The following LRP1B variants were observed in gnomAD, a reference collection of about 807,000 sequenced individuals.
LRP1B encodes LDL receptor related protein 1B, also known as low-density lipoprotein receptor-related protein 1B.
In LRP1B, 217 loss-of-function variants were observed where a neutral mutation model predicts 556.6. The ratio of observed to expected loss-of-function variants is 0.39; its 90% CI spans 0.35 to 0.44. LRP1B has a LOEUF of 0.44. Ranked by LOEUF, LRP1B falls within the 20% of genes least tolerant of loss-of-function variation. The pLI is 1.00. For synonymous variants in LRP1B, 2,047 were observed against 1,865.8 expected (o/e 1.10, Z -2.50); for missense variants, 5,053 against 5,620.8 (o/e 0.90, Z 3.23).
At chr2:141,763,660 T>C (rs908422119) in intron 2 of LRP1B, among the ~76,000 whole-genome samples, 1 of 152,116 alleles carries the variant, frequency 6.6e-6, no homozygotes, top group Non-Finnish European at 1.5e-5. Context: ...GTAAGAAAAA[T>C]AGTGTTTTTA....
At chr2:141,159,795 A>T (rs1299741889) in intron 7 of LRP1B, among the ~76,000 whole-genome samples, 1 of 152,192 alleles carries the variant, frequency 6.6e-6, no homozygotes, top group Non-Finnish European at 1.5e-5. Context: ...AAATTTAGTT[A>T]AAAATATATG....
At chr2:140,572,837 T>TAAAATAAAATAAAATAAAAC (rs1470673814) in intron 43 of LRP1B, among the ~76,000 whole-genome samples, 14 of 151,250 alleles carry the variant, frequency 9.3e-5, no homozygotes, top group African/African-American at 3.2e-4. Flanking sequence ...TAAAATAAAA[T>TAAAATAAAATAAAATAAAAC]AAAACACTAT....
intron 1 of LRP1B, among the ~76,000 whole-genome samples, chr2:141,907,409 G>A (rs1699786718): frequency 6.6e-6 from 1 of 151,774 alleles, no homozygotes; most frequent in Non-Finnish European, 1.5e-5. Context: ...AGTCAGTACA[G>A]TCATCAGATT....
At chr2:141,600,482 T>C (rs1431242093) in intron 2 of LRP1B, among the ~76,000 whole-genome samples, 1 of 151,878 alleles carries the variant, frequency 6.6e-6, no homozygotes, top group Non-Finnish European at 1.5e-5. Flanking sequence ...GGATGGTGAG[T>C]TGTGAGTGAT....
intron 3 of LRP1B, among the ~76,000 whole-genome samples, chr2:141,348,666 T>C (rs1573840376): frequency 6.6e-6 from 1 of 152,078 alleles, no homozygotes; most frequent in South Asian, 2.1e-4. Context: ...GTATTACTCA[T>C]AGAGCACAAT....
chr2:141,954,730 C>T (rs1350727445), intron 1 of LRP1B, among the ~76,000 whole-genome samples: 5 of 152,012 alleles, frequency 3.3e-5, no homozygotes, highest in African/African-American at 1.2e-4. Flanking sequence ...CATCATTGCT[C>T]TTCCTAGAAT....
Position 140,288,749 on chromosome 2 carries a change from AT to A in LRP1B, c.12967+9058del, listed in dbSNP as rs375619364. Among the ~76,000 whole-genome samples the A allele has an allele frequency of 4.0e-4, 60 of 151,778 alleles. No homozygotes were observed. The South Asian group carries it at 5.6e-3, about 14-fold the overall frequency. Reference sequence around the variant, plus strand: ...TGCATTGTTTTTTTTTCAGGGACAGATTTCCCAACAGATATTTAAATACAAA... The same window carrying A: ...TGCATTGTTTTTTTTTCAGGGACAGATTCCCAACAGATATTTAAATACAAA... On this transcript the variant is annotated intron_variant, in intron 84 of 90. Coordinates refer to ENST00000389484, the MANE Select transcript of LRP1B (RefSeq NM_018557.3).
intron 1 of LRP1B, among the ~76,000 whole-genome samples, chr2:142,025,292 G>A (rs1703467052): frequency 6.6e-6 from 1 of 151,990 alleles, no homozygotes; most frequent in African/African-American, 2.4e-5. Context: ...ATTTTACCAG[G>A]AACAGTTTAA....
intron 1 of LRP1B, among the ~76,000 whole-genome samples, chr2:141,890,329 T>TATATATATATATATATATATGTATTGTGC (rs1699246351): frequency 8.4e-6 from 1 of 118,762 alleles, no homozygotes; most frequent in Non-Finnish European, 1.6e-5. Context: ...AATACATATA[T>TATATATATATATATATATATGTATTGTGC]ATATATATAT....
At position 140,995,477 on chromosome 2, in the gene LRP1B, AAC is replaced by A. The variant is rs1409227827; in HGVS notation, c.2504-1344_2504-1343del. Among the ~76,000 whole-genome samples the A allele has an allele frequency of 2.0e-4, 31 of 152,060 alleles. 1 individual carries two copies. Among genetic ancestry groups the A allele is most frequent in the Non-Finnish European group, 4.0e-4 (27 of 67,970 alleles). ...AAGTAACAACAACATTAACAACAATAACACAATACCACTTTATATTTATGCTG... is the reference window on the plus strand; with the variant it reads ...AAGTAACAACAACATTAACAACAATAACAATACCACTTTATATTTATGCTG... On this transcript the variant is annotated intron_variant, in intron 15 of 90. Transcript: ENST00000389484.
At chr2:140,938,144 T>C (rs575688323) in intron 20 of LRP1B, among the ~76,000 whole-genome samples, 2 of 148,082 alleles carry the variant, frequency 1.4e-5, no homozygotes, top group African/African-American at 5.0e-5. Context: ...TGCTGAGACC[T>C]TTTCCTCATC....
chr2:140,296,955 C>CA (rs2104998458), intron 84 of LRP1B, among the ~76,000 whole-genome samples: 1 of 151,932 alleles, frequency 6.6e-6, no homozygotes, highest in East Asian at 1.9e-4. Flanking sequence ...AAGGTTATTA[C>CA]AAAAAAGAGA....
intron 41 of LRP1B, among the ~76,000 whole-genome samples, chr2:140,612,992 C>CT (rs72285702): frequency 0.23 from 34,075 of 150,002 alleles, 4,126 homozygotes; most frequent in Admixed American, 0.3. Context: ...CAAGTTATCT[C>CT]TTTTTTTTTC....
At chr2:141,076,630 C>T (rs1473350689) in intron 7 of LRP1B, among the ~76,000 whole-genome samples, 3 of 152,242 alleles carry the variant, frequency 2.0e-5, no homozygotes, top group African/African-American at 7.2e-5. Flanking sequence ...AGCACATACA[C>T]TAAGTTATTT....
chr2:141,699,679 T>A (rs1691866464), intron 2 of LRP1B, among the ~76,000 whole-genome samples: 1 of 151,416 alleles, frequency 6.6e-6, no homozygotes, highest in South Asian at 2.1e-4. Context: ...TTTAGAGATA[T>A]TATAATTCTC....
At chr2:140,290,299 T>C (rs1032349180) in intron 84 of LRP1B, among the ~76,000 whole-genome samples, 2 of 152,180 alleles carry the variant, frequency 1.3e-5, no homozygotes, top group South Asian at 2.1e-4. Flanking sequence ...TTAACAATTA[T>C]AGCAGATGCA....
At position 142,017,801 on chromosome 2, in the gene LRP1B, G is replaced by C. The variant is rs529865736; in HGVS notation, c.82+112847C>G. ...GGAGGCCAAGGCAGGAAGATTGCTTGAACCCAGAAGGTCAAGGGCACAGTG... is the reference window on the plus strand; with the variant it reads ...GGAGGCCAAGGCAGGAAGATTGCTTCAACCCAGAAGGTCAAGGGCACAGTG... On this transcript the variant is annotated intron_variant, in intron 1 of 90. Coordinates refer to ENST00000389484, the MANE Select transcript of LRP1B (RefSeq NM_018557.3). Among the ~76,000 whole-genome samples, 4 of 152,240 alleles carry C rather than the reference G, an allele frequency of 2.6e-5. No individual in the cohort carries two copies. The South Asian group carries it at 8.3e-4, about 32-fold the overall frequency.
intron 18 of LRP1B, among the ~76,000 whole-genome samples, chr2:140,965,475 G>T (rs572227284): frequency 1.3e-5 from 2 of 152,120 alleles, no homozygotes; most frequent in South Asian, 2.1e-4. Flanking sequence ...AGATATATTG[G>T]TGAGCATGAT....
rs1245151518 is a variant in LRP1B, at chr2:140,231,722, A to G, written c.*1464T>C. On this transcript the variant is annotated 3_prime_UTR_variant, in exon 91 of 91. Coordinates refer to ENST00000389484, the MANE Select transcript of LRP1B (RefSeq NM_018557.3). ...ACAACAAAAAGTCTTCTTATAAAACAGCAGTTTTTTTAATGCTTGTACAAA... is the reference window on the plus strand; with the variant it reads ...ACAACAAAAAGTCTTCTTATAAAACGGCAGTTTTTTTAATGCTTGTACAAA... The G allele has an allele frequency of 1.3e-5, 2 of 151,676 alleles. No homozygotes were observed. The highest frequency in any genetic ancestry group is 4.2e-4 in the South Asian group (2 of 4,816). 9.4% of individuals were successfully genotyped at this position (151,676 alleles called of 1,614,324 possible).
Sources: allele counts gnomAD v4.1 joint callset (sites outside exome capture counted in the v4.1 genomes callset), GRCh38; gene constraint gnomAD v4.1.1; transcripts MANE v1.5; gene names NCBI Gene and HGNC (gene_info 2026-07-23, HGNC 2026-07-21).